Variants in MAD1L1 observed in about 807,000 individuals in gnomAD.
MAD1L1 encodes the protein mitotic arrest deficient 1 like 1.
MAD1L1 carries 95 observed loss-of-function variants against 96.9 expected under a neutral mutation model. That is an observed-to-expected ratio of 0.98 (90% CI 0.83 to 1.16). The LOEUF is 1.16. MAD1L1 is among the 50% of genes most tolerant of loss of function. The probability of loss-of-function intolerance (pLI) is 0.00; values close to 1 mark genes in which losing one functional copy is unlikely to be tolerated. For missense variants in MAD1L1, 1,007 were observed against 954.4 expected, an observed-to-expected ratio of 1.06 and a Z score of -0.73; for synonymous variants, 473 against 396.6, an observed-to-expected ratio of 1.19 and a Z score of -2.29.
chr7:1,983,154 GCA>G (rs976027470), intron 14 of MAD1L1, among the ~76,000 whole-genome samples: 10 of 31,492 alleles, frequency 3.2e-4, no homozygotes, highest in East Asian at 1.8e-3. Flanking sequence ...GCGCGCGCGC[GCA>G]CACACACACA....
chr7:2,158,995 C>T (rs1000147416), intron 10 of MAD1L1, among the ~76,000 whole-genome samples: 4 of 152,172 alleles, frequency 2.6e-5, no homozygotes, highest in Admixed American at 2.6e-4. Context: ...AGAGCCTGGG[C>T]CGCTCCGTGA....
At chr7:2,010,538 GC>G (rs771336966) in intron 13 of MAD1L1, among the ~76,000 whole-genome samples, 5 of 152,210 alleles carry the variant, frequency 3.3e-5, no homozygotes, top group Non-Finnish European at 7.3e-5. Flanking sequence ...CATGCTACGG[GC>G]TCCCGCAGCC....
At chr7:2,113,272 G>A (rs1380716450) in intron 11 of MAD1L1, among the ~76,000 whole-genome samples, 3 of 152,200 alleles carry the variant, frequency 2.0e-5, no homozygotes, top group Admixed American at 1.3e-4. Context: ...CTTGAACTAG[G>A]AGGAGAAGTT....
rs146780005 is a variant in MAD1L1 at position 2,076,057 on chromosome 7, C to T, written c.1074-6719G>A. On this transcript the variant is annotated intron_variant, in intron 11 of 18. Coordinates refer to ENST00000265854, the MANE Select transcript of MAD1L1 (RefSeq NM_001013836.2). ...GTCTAAGGCGAAGCAGTTGTGTGCT[C>T]CCGGGACCTGATCCGACCCTTGGGA... Among the ~76,000 whole-genome samples the T allele has an allele frequency of 5.3e-3, 811 of 152,342 alleles. 8 individuals carry two copies. Among genetic ancestry groups the T allele is most frequent in the African/African-American group, 0.018 (769 of 41,574 alleles).
intron 15 of MAD1L1, among the ~76,000 whole-genome samples, chr7:1,960,685 C>T (rs548935479): frequency 2.0e-4 from 31 of 152,286 alleles, no homozygotes; most frequent in African/African-American, 6.5e-4. Context: ...GAGAAATAGA[C>T]GGGTCCTCAA....
intron 5 of MAD1L1, chr7:2,221,022 C>T (rs757354646): frequency 6.2e-7 from 1 of 1,611,868 alleles, no homozygotes; most frequent in South Asian, 1.1e-5. Flanking sequence ...CAATCAGGAC[C>T]CTGTGACAGG....
chr7:2,056,889 G>C (rs1045439797), intron 12 of MAD1L1, among the ~76,000 whole-genome samples: 1 of 152,196 alleles, frequency 6.6e-6, no homozygotes, highest in Non-Finnish European at 1.5e-5. Context: ...AAGCCGGGGA[G>C]ACGTGGCACC....
intron 9 of MAD1L1, among the ~76,000 whole-genome samples, chr7:2,214,303 A>G (rs981590087): frequency 6.6e-6 from 1 of 152,190 alleles, no homozygotes; most frequent in African/African-American, 2.4e-5. Context: ...GAGAGAAAAG[A>G]TGTCGCATGG....
At chr7:1,899,457 T>G (rs1299639223) in intron 17 of MAD1L1, among the ~76,000 whole-genome samples, 7 of 152,090 alleles carry the variant, frequency 4.6e-5, no homozygotes, top group African/African-American at 1.7e-4. Context: ...CTAGCCTCCC[T>G]CCACTATGAC....
chr7:2,144,067 A>G (rs1859993), intron 11 of MAD1L1, among the ~76,000 whole-genome samples: 63,747 of 152,082 alleles, frequency 0.42, 13,628 homozygotes, highest in East Asian at 0.52. Flanking sequence ...AACGTGTCCC[A>G]CAGGGACCCA....
intron 10 of MAD1L1, among the ~76,000 whole-genome samples, chr7:2,169,184 G>A (rs761416873): frequency 2.0e-5 from 3 of 152,120 alleles, no homozygotes; most frequent in Admixed American, 6.5e-5. Context: ...AAACGCAGGC[G>A]GCTACACATT....
intron 18 of MAD1L1, among the ~76,000 whole-genome samples, chr7:1,884,580 G>A (rs948555415): frequency 1.1e-4 from 16 of 152,240 alleles, no homozygotes; most frequent in Admixed American, 5.2e-4. Context: ...AATCACTGCC[G>A]AACTTTATTT....
At chr7:2,053,011 C>T (rs981633186) in intron 12 of MAD1L1, among the ~76,000 whole-genome samples, 7 of 152,280 alleles carry the variant, frequency 4.6e-5, no homozygotes, top group Admixed American at 3.9e-4. Flanking sequence ...GGGTGGGTGC[C>T]GCCTCCAGTG....
intron 10 of MAD1L1, among the ~76,000 whole-genome samples, chr7:2,182,112 A>T (rs1791229845): frequency 6.6e-6 from 1 of 152,198 alleles, no homozygotes; most frequent in Admixed American, 6.5e-5. Flanking sequence ...CACGTTCCCC[A>T]AAAACTATTG....
chr7:1,893,699 G>A lies in MAD1L1; in HGVS notation c.1998+4501C>T, dbSNP rs1786694417. On this transcript the variant is annotated intron_variant, in intron 18 of 18. Transcript: ENST00000265854. ...TGCCTTTCTGAAGCCAGGAGGCCAG[G>A]GTCAGGGCCCCCAGGGAGCACCCAG... Among the ~76,000 whole-genome samples the A allele has an allele frequency of 2.6e-5, 4 of 152,168 alleles. No individual in the cohort carries two copies. The South Asian group carries it at 8.3e-4, about 32-fold the overall frequency.
intron 10 of MAD1L1, among the ~76,000 whole-genome samples, chr7:2,163,313 CAT>C (rs1201459103): frequency 6.6e-6 from 1 of 152,190 alleles, no homozygotes; most frequent in Non-Finnish European, 1.5e-5. Context: ...GGAAGGTCCA[CAT>C]GTTTTCAAAG....
chr7:1,898,798 A>G (rs1485759303), intron 17 of MAD1L1, among the ~76,000 whole-genome samples: 1 of 151,720 alleles, frequency 6.6e-6, no homozygotes, highest in Non-Finnish European at 1.5e-5. Flanking sequence ...TTGCCCCAAC[A>G]CTCCGGGGAT....
At chr7:1,960,224 C>A (rs1779896639) in intron 15 of MAD1L1, among the ~76,000 whole-genome samples, 1 of 142,058 alleles carries the variant, frequency 7.0e-6, no homozygotes. Context: ...AGAAAAATAC[C>A]AAAGTGGATT....
At chr7:1,920,007 ACGGAGG>A (rs1788675750) in intron 17 of MAD1L1, among the ~76,000 whole-genome samples, 5 of 5,386 alleles carry the variant, frequency 9.3e-4, no homozygotes, top group Non-Finnish European at 1.5e-3. Context: ...CTCCAGTGAC[ACGGAGG>A]TCCCCAGTGA....
Sources: allele counts gnomAD v4.1 joint callset (sites outside exome capture counted in the v4.1 genomes callset), GRCh38; gene constraint gnomAD v4.1.1; transcripts MANE v1.5; gene names NCBI Gene and HGNC (gene_info 2026-07-23, HGNC 2026-07-21).